SIN3A: variants seen among roughly 807,000 people sequenced by gnomAD.
The protein encoded by SIN3A is SIN3 transcription regulator family member A, also known as paired amphipathic helix protein Sin3a.
SIN3A carries 14 observed loss-of-function variants against 146.1 expected under a neutral mutation model. That is an observed-to-expected ratio of 0.10 (90% CI 0.06 to 0.15). SIN3A has a LOEUF of 0.15. SIN3A is among the 10% of genes least tolerant of loss of function. The pLI, the probability that SIN3A is intolerant of heterozygous loss-of-function variation, is 1.00. For missense variants in SIN3A, 1,028 were observed against 1,576.0 expected, an observed-to-expected ratio of 0.65 and a Z score of 5.89; for synonymous variants, 572 against 572.0, an observed-to-expected ratio of 1.00 and a Z score of 0.00.
chr15:75,411,145 A>G (rs2073630848), intron 6 of SIN3A, among the ~76,000 whole-genome samples: 1 of 152,176 alleles, frequency 6.6e-6, no homozygotes, highest in South Asian at 2.1e-4. Context: ...TAGCCAACAT[A>G]GTGAAATCCC....
intron 12 of SIN3A, 106 bp from the exon 13 acceptor site, chr15:75,396,602 C>A (rs2073309275): frequency 1.3e-6 from 1 of 778,694 alleles, no homozygotes. Flanking sequence ...GATTTGAATC[C>A]TGGTTCTGCC....
chr15:75,445,759 G>GAAAAAAAAAAA, intron 1 of SIN3A, among the ~76,000 whole-genome samples: 1 of 86,410 alleles, frequency 1.2e-5, no homozygotes. Flanking sequence ...TCAAAAAAAA[G>GAAAAAAAAAAA]AAAAAAAAAA....
intron 16 of SIN3A, among the ~76,000 whole-genome samples, chr15:75,385,157 G>T (rs1324457543): frequency 1.3e-5 from 2 of 152,128 alleles, no homozygotes; most frequent in Admixed American, 1.3e-4. Context: ...CGTGAGCTGG[G>T]GTGAGGAAGG....
intron 19 of SIN3A, 84 bp downstream of exon 19, chr15:75,380,545 G>C (rs1305400386): frequency 9.8e-7 from 1 of 1,020,950 alleles, no homozygotes; most frequent in African/African-American, 1.6e-5. Context: ...AATATGTGAA[G>C]GCCAAGAACG....
chr15:75,432,939 C>T (rs950161801), intron 1 of SIN3A, among the ~76,000 whole-genome samples: 4 of 151,814 alleles, frequency 2.6e-5, no homozygotes, highest in African/African-American at 4.8e-5. Flanking sequence ...CTACTTGGGA[C>T]GCTGAGACGG....
At chr15:75,406,491 T>C (rs1303156336) in intron 9 of SIN3A, among the ~76,000 whole-genome samples, 1 of 152,038 alleles carries the variant, frequency 6.6e-6, no homozygotes, top group Admixed American at 6.5e-5. Flanking sequence ...ATCGAGACCA[T>C]CCTGGCTAAC....
chr15:75,389,423 T>C (rs763498276), intron 16 of SIN3A, among the ~76,000 whole-genome samples: 9 of 152,194 alleles, frequency 5.9e-5, no homozygotes, highest in Non-Finnish European at 1.0e-4. Flanking sequence ...TCAGGACCAC[T>C]GCACTCTACA....
In SIN3A at chr15:75,441,783, T is replaced by C. The variant is rs558100047; in HGVS notation, c.-34+9640A>G. ...GAGAACAGTCATCTTCTTTGCTCCA[T>C]AATCATAAGCATTCTCATTTTTAGA... is the stretch of plus-strand genomic sequence containing the variant. On this transcript the variant is annotated intron_variant, in intron 1 of 20. Coordinates refer to ENST00000394947, the MANE Select transcript of SIN3A (RefSeq NM_001145358.2). 7.9e-5 allele frequency among the ~76,000 whole-genome samples: 12 copies of C among 152,254 alleles called. No individual in the cohort carries two copies. The East Asian group carries it at 1.9e-3, about 24-fold the overall frequency.
intron 2 of SIN3A, among the ~76,000 whole-genome samples, chr15:75,427,243 T>C (rs899821201): frequency 1.3e-5 from 2 of 151,918 alleles, no homozygotes; most frequent in Middle Eastern, 3.2e-3. Context: ...CATGGTGGCT[T>C]GCGCCTGTAA....
At chr15:75,374,052 C>T (rs1004641576) in intron 20 of SIN3A, among the ~76,000 whole-genome samples, 1 of 152,188 alleles carries the variant, frequency 6.6e-6, no homozygotes, top group Non-Finnish European at 1.5e-5. Flanking sequence ...ATAACCCTTT[C>T]CTATTAACAG....
chr15:75,416,933 GAA>G (rs1437022321), intron 3 of SIN3A, among the ~76,000 whole-genome samples: 2 of 152,096 alleles, frequency 1.3e-5, no homozygotes, highest in Non-Finnish European at 2.9e-5. Flanking sequence ...GTTGGCTTGT[GAA>G]AAGTTGTTAA....
chr15:75,384,039 A>C (rs1333608968), intron 17 of SIN3A: 4 of 284,220 alleles, frequency 1.4e-5, no homozygotes, highest in East Asian at 1.3e-4. Context: ...AATTGTAAAA[A>C]TCATATATAA....
Position 75,402,880 on chromosome 15 carries a change from C to T in SIN3A, c.1408-910G>A, listed in dbSNP as rs540751920. 2.0e-5 allele frequency among the ~76,000 whole-genome samples: 3 copies of T among 152,164 alleles called. No individual in the cohort carries two copies. The South Asian group carries it at 6.2e-4, about 32-fold the overall frequency. ...AAACTCCTGACCACAAGTGATCCAC[C>T]CGCCTTGGCCTCCCAAAGTGCTGGG... On this transcript the variant is annotated intron_variant, in intron 9 of 20. Transcript: ENST00000394947.
intron 8 of SIN3A, among the ~76,000 whole-genome samples, chr15:75,409,461 G>A (rs752069891): frequency 6.6e-6 from 1 of 151,518 alleles, no homozygotes; most frequent in Non-Finnish European, 1.5e-5. Context: ...CATGACTGCC[G>A]GGCACAGGTA....
chr15:75,394,188 C>T (rs1332411662), intron 14 of SIN3A, among the ~76,000 whole-genome samples: 1 of 152,170 alleles, frequency 6.6e-6, no homozygotes, highest in Non-Finnish European at 1.5e-5. Context: ...AATTGCACTG[C>T]ATTTATGTTT....
intron 9 of SIN3A, among the ~76,000 whole-genome samples, chr15:75,406,234 T>A (rs1452313223): frequency 6.6e-6 from 1 of 152,232 alleles, no homozygotes; most frequent in Admixed American, 6.5e-5. Flanking sequence ...TAAGTTTATG[T>A]GGCCAAACTA....
chr15:75,385,646 A>G (rs2141401099), intron 16 of SIN3A, among the ~76,000 whole-genome samples: 1 of 152,394 alleles, frequency 6.6e-6, no homozygotes, highest in Admixed American at 6.5e-5. Flanking sequence ...TCTGTTTAAA[A>G]AACTTTAAGA....
chr15:75,388,507 G>C (rs1373333050), intron 16 of SIN3A: 3 of 152,266 alleles, frequency 2.0e-5, no homozygotes, highest in East Asian at 1.9e-4. Context: ...ATCCACAAGA[G>C]GGTGGCATTA....
chr15:75,401,561 TA>T (rs917184607), intron 10 of SIN3A, among the ~76,000 whole-genome samples: 5 of 152,080 alleles, frequency 3.3e-5, no homozygotes, highest in African/African-American at 1.2e-4. Context: ...TAATAATTTT[TA>T]AAAAAATTCC....
Sources: gnomAD v4.1 joint callset for allele counts (sites outside exome capture counted in the v4.1 genomes callset) on GRCh38, gnomAD v4.1.1 for gene constraint, MANE v1.5 for transcripts, NCBI Gene and HGNC (gene_info 2026-07-23, HGNC 2026-07-21) for gene names.